Variants in TRANK1 observed in about 807,000 individuals in gnomAD.
TRANK1 encodes tetratricopeptide repeat and ankyrin repeat containing 1.
A neutral mutation model predicts 266.0 loss-of-function variants in TRANK1; 198 were observed. The ratio of observed to expected loss-of-function variants is 0.74; its 90% CI spans 0.66 to 0.84. TRANK1 has a LOEUF of 0.84. Among genes scored for constraint, TRANK1 ranks in the 40% least tolerant of loss-of-function variants. The probability of loss-of-function intolerance (pLI) is 0.00; values close to 1 mark genes in which losing one functional copy is unlikely to be tolerated. For synonymous variants in TRANK1, 1,396 were observed against 1,384.1 expected, an observed-to-expected ratio of 1.01 and a Z score of -0.19; for missense variants, 3,326 against 3,634.6, an observed-to-expected ratio of 0.92 and a Z score of 2.18.
intron 7 of TRANK1, among the ~76,000 whole-genome samples, chr3:36,890,828 T>C (rs1431093832): frequency 6.6e-6 from 1 of 152,192 alleles, no homozygotes. Flanking sequence ...AATCAATGAT[T>C]AAAACGTACC....
Position 36,935,487 on chromosome 3 carries a change from G to A in TRANK1, c.23+9300C>T, listed in dbSNP as rs138745168. Reference sequence around the variant, plus strand: ...TTTTTTGAGATGGAGTTTTGCTCTCGTTGCCCAGGCTGGAATGCAATGGCG... The same window carrying A: ...TTTTTTGAGATGGAGTTTTGCTCTCATTGCCCAGGCTGGAATGCAATGGCG... On this transcript the variant is annotated intron_variant, in intron 1 of 23. Coordinates refer to ENST00000645898, the MANE Select transcript of TRANK1 (RefSeq NM_001329998.2). Among the ~76,000 whole-genome samples the A allele has an allele frequency of 5.4e-3, 622 of 114,474 alleles. 6 individuals carry two copies. The highest frequency in any genetic ancestry group is 0.043 in the Middle Eastern group (5 of 116). The allele number at this position is 114,474 out of a possible 152,430, so 75.1% of individuals were successfully genotyped here.
chr3:36,898,914 TTCA>T (rs2125617426), intron 4 of TRANK1, among the ~76,000 whole-genome samples, 192 bp downstream of exon 4: 1 of 151,834 alleles, frequency 6.6e-6, no homozygotes, highest in Non-Finnish European at 1.5e-5. Context: ...TGAAAAGGAC[TTCA>T]TTGTTTTCAC....
rs747486249 is a variant in TRANK1 at position 36,856,875 on chromosome 3, G to T, written c.2847C>A (p.Cys949Ter). The change falls in exon 13 of 24, where the codon TGC (cysteine) becomes TGA (stop). Residue 949 changes from cysteine to a stop codon, truncating the protein, a stop_gained. Coordinates refer to ENST00000645898, the MANE Select transcript of TRANK1 (RefSeq NM_001329998.2). LOFTEE classifies it high-confidence loss of function. ...IRIWDIVLDH[C>*]KLADSIKAIC... ...TGGCCTTGATGGAATCAGCCAGTTT[G>T]CAGTGATCTAAGACGATGTCCCAAA... 3 of 1,613,898 alleles carry T rather than the reference G, an allele frequency of 1.9e-6. No individual in the cohort carries two copies. Among genetic ancestry groups the T allele is most frequent in the African/African-American group, 2.7e-5 (2 of 74,930 alleles).
intron 23 of TRANK1, among the ~76,000 whole-genome samples, chr3:36,829,342 G>A (rs926841722): frequency 6.6e-6 from 1 of 152,144 alleles, no homozygotes; most frequent in African/African-American, 2.4e-5. Context: ...GAGGTTTATG[G>A]CAACTAACAT....
chr3:36,902,167 A>T (rs2079892909), intron 3 of TRANK1, among the ~76,000 whole-genome samples: 1 of 152,230 alleles, frequency 6.6e-6, no homozygotes, highest in Non-Finnish European at 1.5e-5. Flanking sequence ...AAAGTTTATG[A>T]ATTTGTGTTG....
chr3:36,913,295 G>A (rs543009626), intron 1 of TRANK1, among the ~76,000 whole-genome samples: 7 of 152,008 alleles, frequency 4.6e-5, no homozygotes, highest in African/African-American at 1.4e-4. Flanking sequence ...AAGTGATCCG[G>A]CCGCCTCGTG....
At position 36,827,900 on chromosome 3, in the gene TRANK1, GA is replaced by G. The variant is rs1223806384; in HGVS notation, c.*374del. 9 of 168,364 alleles carry G rather than the reference GA, an allele frequency of 5.3e-5. No individual in the cohort carries two copies. In the East Asian group the frequency reaches 1.3e-3, roughly 24 times the overall value. The allele number at this position is 168,364 out of a possible 1,614,324, so 10.4% of individuals were successfully genotyped here. ...TTCCTGGCCCAGAGCAGCAGCAACT[GA>G]GGTGAGGAGAGTCTGTCCTAACACC... On this transcript the variant is annotated 3_prime_UTR_variant, in exon 24 of 24. Coordinates refer to ENST00000645898, the MANE Select transcript of TRANK1 (RefSeq NM_001329998.2).
intron 2 of TRANK1, among the ~76,000 whole-genome samples, chr3:36,905,988 C>T: frequency 6.6e-6 from 1 of 152,202 alleles, no homozygotes; most frequent in East Asian, 1.9e-4. Context: ...AGGCAGAAGT[C>T]CCAGTAGGGG....
At chr3:36,916,425 T>C (rs936326928) in intron 1 of TRANK1, among the ~76,000 whole-genome samples, 4 of 152,172 alleles carry the variant, frequency 2.6e-5, no homozygotes, top group African/African-American at 9.7e-5. Context: ...TAGCTGGGCA[T>C]GGTGGCACAT....
rs368041756 is a variant in TRANK1 at position 36,833,776 on chromosome 3, A to G, written c.5807T>C (p.Ile1936Thr). The change falls in exon 22 of 24, where the codon ATA becomes ACA. Residue 1936 changes from isoleucine to threonine, a missense_variant. Ile to Thr is a moderately conservative substitution (Grantham distance 89, BLOSUM62 -1). Transcript: ENST00000645898. The stretch of plus-strand genomic sequence containing the variant: ...CTTCAAGAACACCAGCTGGTCTTCT[A>G]TGTCTAGCTTTGAGAGGACAGCCAT... ...EMMAVLSKLD[I>T]EDQLVFLKSR... is the part of the protein sequence containing the mutation. 2 of 1,613,998 alleles carry G rather than the reference A, an allele frequency of 1.2e-6. No individual in the cohort carries two copies. Among genetic ancestry groups the G allele is most frequent in the Non-Finnish European group, 1.7e-6 (2 of 1,179,890 alleles).
intron 12 of TRANK1, among the ~76,000 whole-genome samples, chr3:36,858,280 T>C (rs765278439): frequency 1.3e-5 from 2 of 152,190 alleles, no homozygotes; most frequent in Non-Finnish European, 2.9e-5. Flanking sequence ...TAGGGGAGTG[T>C]CACTGGCAGC....
intron 10 of TRANK1, among the ~76,000 whole-genome samples, chr3:36,863,170 A>G (rs991486313): frequency 1.3e-5 from 2 of 152,212 alleles, no homozygotes; most frequent in African/African-American, 4.8e-5. Context: ...AGTGAGAGAA[A>G]GAAGAACCCA....
intron 15 of TRANK1, chr3:36,850,033 T>C (rs994545881): frequency 4.1e-6 from 4 of 985,336 alleles, no homozygotes; most frequent in Non-Finnish European, 4.8e-6. Flanking sequence ...AACTGGATTT[T>C]TCTTTCACAA....
chr3:36,927,396 A>G (rs771887214), intron 1 of TRANK1, among the ~76,000 whole-genome samples: 2 of 152,228 alleles, frequency 1.3e-5, no homozygotes, highest in Non-Finnish European at 2.9e-5. Flanking sequence ...GCCTTTCTTC[A>G]TGGTCCAGGA....
chr3:36,879,103 T>C (rs1167672998), intron 8 of TRANK1, among the ~76,000 whole-genome samples: 2 of 151,904 alleles, frequency 1.3e-5, no homozygotes, highest in African/African-American at 4.8e-5. Context: ...CTCAGAATGA[T>C]GGCATATTAG....
rs1193012579 is a variant in TRANK1 at position 36,900,712 on chromosome 3, C to CA, written c.283-1454dup. Among the ~76,000 whole-genome samples the CA allele has an allele frequency of 2.9e-3, 430 of 146,566 alleles. 3 individuals are homozygous for CA. The highest frequency in any genetic ancestry group is 7.9e-3 in the African/African-American group (318 of 40,018). ...GCAACATAGTGAGACCCTGTCTCTA[C>CA]AAAAAAAAAATTTGTTTTCATTAGC... On this transcript the variant is annotated intron_variant, in intron 3 of 23. Coordinates refer to ENST00000645898, the MANE Select transcript of TRANK1 (RefSeq NM_001329998.2).
chr3:36,943,428 T>C, intron 1 of TRANK1, among the ~76,000 whole-genome samples: 1 of 151,562 alleles, frequency 6.6e-6, no homozygotes, highest in Non-Finnish European at 1.5e-5. Flanking sequence ...CCAGTGGCAG[T>C]GGGATGCGAC....
chr3:36,911,959 G>A (rs1207052636), intron 1 of TRANK1, among the ~76,000 whole-genome samples: 11 of 152,178 alleles, frequency 7.2e-5, no homozygotes, highest in Admixed American at 7.2e-4. Context: ...GGCCGAAGCA[G>A]GCAGATTAGC....
rs779170288 is a variant in TRANK1 at position 36,831,181 on chromosome 3, G to T, written c.8402C>A (p.Ser2801Tyr). 9.3e-6 allele frequency: 15 copies of T among 1,613,842 alleles called. No homozygotes were observed. Among genetic ancestry groups the T allele is most frequent in the Non-Finnish European group, 1.2e-5 (14 of 1,179,894 alleles). The change falls in exon 22 of 24, where the codon TCC becomes TAC. Residue 2801 changes from serine (S) to tyrosine (Y), a missense_variant. Coordinates refer to ENST00000645898, the MANE Select transcript of TRANK1 (RefSeq NM_001329998.2). This position sits in a 1 kb window ranked among gnomAD's most constrained non-coding sequence, Gnocchi z 5.0. The stretch of plus-strand genomic sequence containing the variant: ...CTCCTCCCTTTCCAGCTCAGCCCTG[G>T]AAAGGACTGCCACCTCGGAAGCTGC... ...EGAASEVAVL[S>Y]RAELEREECQ...
Sources: gnomAD v4.1 joint callset for allele counts (sites outside exome capture counted in the v4.1 genomes callset) on GRCh38, gnomAD v4.1.1 for gene constraint, Gnocchi (gnomAD v3.1) non-coding constraint, MANE v1.5 for transcripts, NCBI Gene and HGNC (gene_info 2026-07-23, HGNC 2026-07-21) for gene names.